Variants in MAP3K14 observed in about 807,000 individuals in gnomAD.
The protein encoded by MAP3K14 is NF-kappa-beta-inducing kinase.
MAP3K14 carries 16 observed loss-of-function variants against 99.2 expected under a neutral mutation model. The observed-to-expected ratio is 0.16, with a 90% CI of 0.11 to 0.24. MAP3K14 has a LOEUF of 0.24. Among genes scored for constraint, MAP3K14 ranks in the 10% least tolerant of loss-of-function variants. The pLI, the probability that MAP3K14 is intolerant of heterozygous loss-of-function variation, is 1.00. For synonymous variants in MAP3K14, 462 were observed against 492.4 expected (o/e 0.94, Z 0.82); for missense variants, 784 against 1,208.7 (o/e 0.65, Z 5.21).
rs150037896 is a variant in MAP3K14, at chr17:45,310,369, T to C, written c.-21+6591A>G. 3.8e-3 allele frequency among the ~76,000 whole-genome samples: 575 copies of C among 152,328 alleles called. 7 individuals carry two copies. Among genetic ancestry groups the C allele is most frequent in the African/African-American group, 0.013 (545 of 41,558 alleles). ...ATCTTAACTGGCAACCACATCCTCATTGGAGGCTGGCTAAGCCTCCTTTTC... is the reference window on the plus strand; with the variant it reads ...ATCTTAACTGGCAACCACATCCTCACTGGAGGCTGGCTAAGCCTCCTTTTC... On this transcript the variant is annotated intron_variant, in intron 1 of 15. Coordinates refer to ENST00000344686, the MANE Select transcript of MAP3K14 (RefSeq NM_003954.5).
intron 1 of MAP3K14, among the ~76,000 whole-genome samples, chr17:45,310,543 G>C (rs2044466750): frequency 6.6e-6 from 1 of 152,124 alleles, no homozygotes; most frequent in African/African-American, 2.4e-5. Flanking sequence ...CCACCATCCA[G>C]ATATGACATC....
chr17:45,267,706 G>A lies in MAP3K14; in HGVS notation c.2026C>T (p.Pro676Ser), dbSNP rs1242126578. Reference sequence around the variant, plus strand: ...TGGTGGTAATTGGCTTGATTTGGCGGTGGATGTCTTGGTTCTTTATATTCT... The same window carrying A: ...TGGTGGTAATTGGCTTGATTTGGCGATGGATGTCTTGGTTCTTTATATTCT... Reference protein sequence around the residue: ...RGEYKEPRHPPPNQANYHQTL... With the variant: ...RGEYKEPRHPSPNQANYHQTL... The change falls in exon 12 of 16, where the codon CCG (proline) becomes TCG (serine). Residue 676 changes from proline (P) to serine (S), a missense_variant. Physicochemically the swap from Pro to Ser is moderately conservative, Grantham distance 74 (BLOSUM62 -1). Transcript: ENST00000344686. The surrounding 1 kb of genome is among the most constrained non-coding windows in gnomAD (Gnocchi z 5.1). The A allele has an allele frequency of 1.1e-5, 18 of 1,613,630 alleles. No homozygotes were observed. Among genetic ancestry groups the A allele is most frequent in the Non-Finnish European group, 1.4e-5 (16 of 1,179,872 alleles).
intron 13 of MAP3K14, 136 bp downstream of exon 13, chr17:45,266,956 G>A: frequency 1.4e-6 from 1 of 724,720 alleles, no homozygotes; most frequent in Non-Finnish European, 2.3e-6. Flanking sequence ...AGGAAGGGGT[G>A]ACCCCCATCA....
chr17:45,291,099 T>C, intron 1 of MAP3K14: 1 of 226,176 alleles, frequency 4.4e-6, no homozygotes, highest in Admixed American at 5.0e-5. Context: ...TTATGATGGC[T>C]CGATCTTTTT....
Position 45,264,613 on chromosome 17 carries a change from G to T in MAP3K14, c.*23C>A, listed in dbSNP as rs2044056365. On this transcript the variant is annotated 3_prime_UTR_variant, in exon 16 of 16. Transcript: ENST00000344686. The stretch of plus-strand genomic sequence containing the variant: ...GCAGGAAGGCTGCTTCCGGCAGTGT[G>T]GAGCCGGCGGTGGAGGGCAGGGTTA... 6.4e-7 allele frequency: 1 copy of T among 1,552,200 alleles called. No individual in the cohort carries two copies.
chr17:45,274,226 C>T lies in MAP3K14; in HGVS notation c.1449G>A (p.Glu483=). 1.2e-5 allele frequency: 19 copies of T among 1,599,352 alleles called. No homozygotes were observed. The highest frequency in any genetic ancestry group is 1.6e-5 in the Non-Finnish European group (19 of 1,172,962). ...CCCGGTCCTCTGGGAGACAGCCCTGCTCCTTGACCAGCTGGCCCAGGGAGC... is the reference window on the plus strand; with the variant it reads ...CCCGGTCCTCTGGGAGACAGCCCTGTTCCTTGACCAGCTGGCCCAGGGAGC... The part of the protein sequence containing the change: ...EGGSLGQLVK[E]QGCLPEDRAL... The change falls in exon 8 of 16, where the codon GAG becomes GAA. Residue 483 remains glutamate, a synonymous_variant. Transcript: ENST00000344686.
intron 1 of MAP3K14, among the ~76,000 whole-genome samples, chr17:45,304,352 A>G (rs1198644612): frequency 1.3e-5 from 2 of 152,194 alleles, no homozygotes; most frequent in Admixed American, 6.5e-5. Flanking sequence ...GTACAGATGT[A>G]TCATCATTTT....
At chr17:45,310,844 A>G (rs2044471159) in intron 1 of MAP3K14, among the ~76,000 whole-genome samples, 1 of 152,210 alleles carries the variant, frequency 6.6e-6, no homozygotes, top group African/African-American at 2.4e-5. Context: ...TTTTGATTAC[A>G]TGAACCTCAT....
Position 45,264,733 on chromosome 17 carries a change from G to A in MAP3K14, c.2747C>T (p.Pro916Leu), listed in dbSNP as rs759686941. The change falls in exon 16 of 16, where the codon CCA becomes CTA. Residue 916 changes from proline to leucine, a missense_variant. By Grantham distance (98) the Pro-to-Leu change is moderately conservative. Transcript: ENST00000344686. Reference protein sequence around the residue: ...GQPVRYDMEVPDSGIDLQCTL... With the variant: ...GQPVRYDMEVLDSGIDLQCTL... ...GCACTGCAGGTCGATGCCCGAGTCT[G>A]GCACCTCCATGTCGTAGCGAACAGG... 2 of 1,612,758 alleles carry A rather than the reference G, an allele frequency of 1.2e-6. No homozygotes were observed. Among genetic ancestry groups the A allele is most frequent in the Non-Finnish European group, 8.5e-7 (1 of 1,179,510 alleles).
chr17:45,284,478 G>GT (rs1433378291), intron 6 of MAP3K14, among the ~76,000 whole-genome samples: 5 of 152,218 alleles, frequency 3.3e-5, no homozygotes, highest in Non-Finnish European at 7.3e-5. Context: ...TGGTTCAGGG[G>GT]TTTTACCTCA....
chr17:45,288,431 G>A, intron 3 of MAP3K14, among the ~76,000 whole-genome samples: 1 of 147,854 alleles, frequency 6.8e-6, no homozygotes, highest in Non-Finnish European at 1.5e-5. Flanking sequence ...AGGCTGGAGT[G>A]CAGTGGCACA....
intron 6 of MAP3K14, among the ~76,000 whole-genome samples, chr17:45,275,750 CTTTT>C (rs1487219741): frequency 2.2e-5 from 3 of 133,658 alleles, no homozygotes; most frequent in Non-Finnish European, 4.9e-5. Context: ...ATTTTTTTTT[CTTTT>C]CTTTTCTTTT....
At chr17:45,302,280 TGTAG>T (rs926637593) in intron 1 of MAP3K14, among the ~76,000 whole-genome samples, 7 of 152,306 alleles carry the variant, frequency 4.6e-5, no homozygotes, top group Admixed American at 2.0e-4. Flanking sequence ...TGATTTTCTC[TGTAG>T]GTATTACTTT....
At chr17:45,315,242 G>C (rs1044663495) in intron 1 of MAP3K14, among the ~76,000 whole-genome samples, 2 of 151,884 alleles carry the variant, frequency 1.3e-5, no homozygotes, top group African/African-American at 2.4e-5. Flanking sequence ...GGGTCTCTGT[G>C]GTGCCGCTCC....
intron 1 of MAP3K14, among the ~76,000 whole-genome samples, chr17:45,295,523 C>T (rs1377646035): frequency 2.0e-5 from 3 of 152,170 alleles, no homozygotes; most frequent in Non-Finnish European, 4.4e-5. Flanking sequence ...CTGGACAACT[C>T]CAACTCAGAA....
At chr17:45,310,552 T>C (rs1191436866) in intron 1 of MAP3K14, among the ~76,000 whole-genome samples, 1 of 152,092 alleles carries the variant, frequency 6.6e-6, no homozygotes, top group Non-Finnish European at 1.5e-5. Flanking sequence ...AGATATGACA[T>C]CATGACATCA....
chr17:45,285,527 G>C (rs752671651), intron 5 of MAP3K14, among the ~76,000 whole-genome samples: 6 of 152,198 alleles, frequency 3.9e-5, no homozygotes, highest in Non-Finnish European at 7.3e-5. Flanking sequence ...TCGGGAGGCT[G>C]AGGTGGGAGA....
rs977783082 is a variant in MAP3K14, at chr17:45,264,323, C to T, written c.*313G>A. The T allele has an allele frequency of 3.8e-6, 1 of 260,918 alleles. No individual in the cohort carries two copies. The highest frequency in any genetic ancestry group is 7.9e-5 in the East Asian group (1 of 12,604). The allele number at this position is 260,918 out of a possible 1,614,324, so 16.2% of individuals were successfully genotyped here. A position where few individuals can be genotyped will look rare whatever the true frequency, so the allele number is the denominator to read the frequency against. ...GTCTGCCAGCAAATGGTCACTGATC[C>T]AAGCGGGTCAGGCCAACTCGACTGG... On this transcript the variant is annotated 3_prime_UTR_variant, in exon 16 of 16. Transcript: ENST00000344686.
chr17:45,310,027 C>G (rs937760439), intron 1 of MAP3K14, among the ~76,000 whole-genome samples: 1 of 98,832 alleles, frequency 1.0e-5, no homozygotes, highest in Non-Finnish European at 2.0e-5. Context: ...AGGAGTCCAT[C>G]TTTTTTTTTT....
Sources: allele counts gnomAD v4.1 joint callset (sites outside exome capture counted in the v4.1 genomes callset), GRCh38; gene constraint gnomAD v4.1.1; non-coding constraint Gnocchi (gnomAD v3.1); transcripts MANE v1.5; gene names NCBI Gene and HGNC (gene_info 2026-07-23, HGNC 2026-07-21).